The following GOLPH3 variants were observed in gnomAD, a reference collection of about 807,000 sequenced individuals.
GOLPH3 encodes the protein golgi phosphoprotein 3.
GOLPH3 carries 14 observed loss-of-function variants against 28.5 expected under a neutral mutation model. The observed-to-expected ratio is 0.49, with a 90% CI of 0.32 to 0.77. The LOEUF is 0.77. Ranked by LOEUF, GOLPH3 falls within the 30% of genes least tolerant of loss-of-function variation. The probability of loss-of-function intolerance (pLI) is 0.03; values close to 1 mark genes in which losing one functional copy is unlikely to be tolerated. For missense variants in GOLPH3, 350 were observed against 393.7 expected (o/e 0.89, Z 0.94); for synonymous variants, 158 against 159.2 (o/e 0.99, Z 0.06).
chr5:32,157,909 G>GGAA (rs1746466387), intron 1 of GOLPH3, among the ~76,000 whole-genome samples: 1 of 151,304 alleles, frequency 6.6e-6, no homozygotes, highest in African/African-American at 2.4e-5. Context: ...CCCAGGAGGA[G>GGAA]GAGGTTGCAG....
At chr5:32,171,501 T>C (rs1425395398) in intron 1 of GOLPH3, among the ~76,000 whole-genome samples, 1 of 151,978 alleles carries the variant, frequency 6.6e-6, no homozygotes, top group African/African-American at 2.4e-5. Flanking sequence ...TTTTTTTTTT[T>C]CAGGTTTTTG....
In GOLPH3 at chr5:32,126,015, T is replaced by G. The variant is rs779270044; in HGVS notation, c.*197A>C. The G allele has an allele frequency of 2.9e-5, 15 of 522,246 alleles. No homozygotes were observed. Among genetic ancestry groups the G allele is most frequent in the African/African-American group, 5.9e-5 (3 of 51,154 alleles). The allele number at this position is 522,246 out of a possible 1,614,324, so 32.4% of individuals were successfully genotyped here. On this transcript the variant is annotated 3_prime_UTR_variant, in exon 4 of 4. Transcript: ENST00000265070. Reference sequence around the variant, plus strand: ...TGCCAATATGGCAGTAAAACTTTTTTTAAAAACAGAAAGAGGAAGGCCTCT... The same window carrying G: ...TGCCAATATGGCAGTAAAACTTTTTGTAAAAACAGAAAGAGGAAGGCCTCT...
intron 1 of GOLPH3, among the ~76,000 whole-genome samples, chr5:32,149,518 T>A (rs1295776711): frequency 6.6e-6 from 1 of 152,154 alleles, no homozygotes; most frequent in Non-Finnish European, 1.5e-5. Flanking sequence ...ATCTCAGAGC[T>A]GTTACAAAAA....
Position 32,126,207 on chromosome 5 carries a change from CAG to C in GOLPH3, c.*3_*4del, listed in dbSNP as rs778418168. On this transcript the variant is annotated 3_prime_UTR_variant, in exon 4 of 4. Coordinates refer to ENST00000265070, the MANE Select transcript of GOLPH3 (RefSeq NM_022130.4). ...AGAAAGGAGAATGGTTCACCCCGAGCAGAGTTACTTGGTGAACGCCGCCACCA... is the reference window on the plus strand; with the variant it reads ...AGAAAGGAGAATGGTTCACCCCGAGCAGTTACTTGGTGAACGCCGCCACCA... 1.2e-6 allele frequency: 2 copies of C among 1,605,768 alleles called. No homozygotes were observed. Among genetic ancestry groups the C allele is most frequent in the South Asian group, 1.1e-5 (1 of 90,712 alleles).
intron 1 of GOLPH3, among the ~76,000 whole-genome samples, chr5:32,167,054 C>T (rs985050366): frequency 3.3e-5 from 5 of 152,220 alleles, no homozygotes; most frequent in African/African-American, 1.2e-4. Flanking sequence ...CTGATGCCTC[C>T]AGGGTATTTA....
At position 32,173,837 on chromosome 5, in the gene GOLPH3, C is replaced by T. The variant is rs765162290; in HGVS notation, c.198G>A (p.Val66=). 1 of 1,503,146 alleles carries T rather than the reference C, an allele frequency of 6.7e-7. No homozygotes were observed. The highest frequency in any genetic ancestry group is 1.3e-5 in the South Asian group (1 of 78,404). The allele number at this position is 1,503,146 out of a possible 1,614,324, so 93.1% of individuals were successfully genotyped here. A position where few individuals can be genotyped will look rare whatever the true frequency, so the allele number is the denominator to read the frequency against. Reference sequence around the variant, plus strand: ...CGCGGTCCTTGAGGCCCAGCAGGAGCACTTCCTCCATCAGGGTCAGCCGCG... The same window carrying T: ...CGCGGTCCTTGAGGCCCAGCAGGAGTACTTCCTCCATCAGGGTCAGCCGCG... ...KETRLTLMEE[V]LLLGLKDREG... Residue 66 remains valine, a synonymous_variant, in exon 1 of 4, where the codon GTG becomes GTA. Coordinates refer to ENST00000265070, the MANE Select transcript of GOLPH3 (RefSeq NM_022130.4).
At chr5:32,137,018 C>T (rs920379403) in intron 2 of GOLPH3, among the ~76,000 whole-genome samples, 3 of 152,054 alleles carry the variant, frequency 2.0e-5, no homozygotes, top group Admixed American at 1.3e-4. Context: ...AGTGCAGTGG[C>T]GCAATCTCGG....
At chr5:32,146,729 A>G (rs1746185595) in intron 1 of GOLPH3, among the ~76,000 whole-genome samples, 1 of 152,238 alleles carries the variant, frequency 6.6e-6, no homozygotes. Flanking sequence ...ATATGTTATT[A>G]AAAACATTTA....
intron 2 of GOLPH3, among the ~76,000 whole-genome samples, chr5:32,143,010 T>G (rs173445): frequency 0.72 from 109,679 of 151,806 alleles, 40,107 homozygotes; most frequent in African/African-American, 0.84. Context: ...GAATAGAAAG[T>G]GGGGAAAGGT....
At chr5:32,157,225 A>G (rs913260118) in intron 1 of GOLPH3, among the ~76,000 whole-genome samples, 3 of 152,170 alleles carry the variant, frequency 2.0e-5, no homozygotes, top group Admixed American at 1.3e-4. Context: ...CAACTCGGAA[A>G]TTCAATCCAC....
intron 3 of GOLPH3, among the ~76,000 whole-genome samples, chr5:32,130,622 G>A (rs1745807442): frequency 6.6e-6 from 1 of 151,802 alleles, no homozygotes. Flanking sequence ...ACAACAGAGG[G>A]GAAAAAAAAG....
intron 2 of GOLPH3, among the ~76,000 whole-genome samples, chr5:32,136,853 CTTATA>C (rs1745944333): frequency 6.6e-6 from 1 of 152,160 alleles, no homozygotes; most frequent in Non-Finnish European, 1.5e-5. Flanking sequence ...GATACTCAAT[CTTATA>C]TTATAAAGGT....
intron 2 of GOLPH3, among the ~76,000 whole-genome samples, chr5:32,141,162 C>CAAA (rs5867132): frequency 8.6e-6 from 1 of 116,190 alleles, no homozygotes; most frequent in Non-Finnish European, 1.8e-5. Flanking sequence ...GACTCAGTCT[C>CAAA]AAAAAAAAAA....
At chr5:32,142,580 G>C (rs1188450574) in intron 2 of GOLPH3, among the ~76,000 whole-genome samples, 19 of 132,362 alleles carry the variant, frequency 1.4e-4, no homozygotes, top group African/African-American at 3.2e-4. Context: ...CCGGCCAGCC[G>C]CCCTGTCCGG....
chr5:32,137,613 C>T (rs1400656945), intron 2 of GOLPH3, among the ~76,000 whole-genome samples: 2 of 151,898 alleles, frequency 1.3e-5, no homozygotes, highest in Non-Finnish European at 2.9e-5. Flanking sequence ...GAGCTGAGAT[C>T]GCACCTTTGC....
intron 2 of GOLPH3, among the ~76,000 whole-genome samples, chr5:32,143,312 G>A (rs971991402): frequency 6.6e-6 from 1 of 151,422 alleles, no homozygotes; most frequent in Non-Finnish European, 1.5e-5. Context: ...CACAAACACT[G>A]CGGAAGGCCG....
intron 1 of GOLPH3, among the ~76,000 whole-genome samples, chr5:32,151,023 A>G (rs1746292952): frequency 6.6e-6 from 1 of 152,228 alleles, no homozygotes; most frequent in Admixed American, 6.5e-5. Flanking sequence ...CGTAAGTACT[A>G]GAAGACAAAA....
In GOLPH3 at chr5:32,125,243, T is replaced by A. The variant is rs984792733; in HGVS notation, c.*969A>T. 1 of 152,504 alleles carries A rather than the reference T, an allele frequency of 6.6e-6. No homozygotes were observed. Among genetic ancestry groups the A allele is most frequent in the Non-Finnish European group, 1.5e-5 (1 of 68,026 alleles). The allele number at this position is 152,504 out of a possible 1,614,324, so 9.4% of individuals were successfully genotyped here. On this transcript the variant is annotated 3_prime_UTR_variant, in exon 4 of 4. Transcript: ENST00000265070. ...TTTACTTGTGGACAGAAAAAGAAACTCAAGATTGGTACTGGTCACAAGCCT... is the reference window on the plus strand; with the variant it reads ...TTTACTTGTGGACAGAAAAAGAAACACAAGATTGGTACTGGTCACAAGCCT...
rs1224752113 is a variant in GOLPH3, at chr5:32,134,520, TA to T, written c.472+1051del. 4.7e-3 allele frequency among the ~76,000 whole-genome samples: 525 copies of T among 112,054 alleles called. 6 individuals carry two copies. Among genetic ancestry groups the T allele is most frequent in the Middle Eastern group, 0.028 (6 of 218 alleles). The allele number at this position is 112,054 out of a possible 152,430, so 73.5% of individuals were successfully genotyped here. A position where few individuals can be genotyped will look rare whatever the true frequency, so the allele number is the denominator to read the frequency against. On this transcript the variant is annotated intron_variant, in intron 3 of 3. Coordinates refer to ENST00000265070, the MANE Select transcript of GOLPH3 (RefSeq NM_022130.4). ...CACCATGCCTGGCCAAAAAATAAAA[TA>T]AAAAAAAAAAAAAAAAACTCAGCGA...
Sources: gnomAD v4.1 joint callset for allele counts (sites outside exome capture counted in the v4.1 genomes callset) on GRCh38, gnomAD v4.1.1 for gene constraint, MANE v1.5 for transcripts, NCBI Gene and HGNC (gene_info 2026-07-23, HGNC 2026-07-21) for gene names.